The following PRKD1 variants were observed in gnomAD, a reference collection of about 807,000 sequenced individuals.
The protein encoded by PRKD1 is protein kinase D1.
Under a neutral mutation model 95.9 loss-of-function variants are expected in PRKD1, and 63 were observed. That is an observed-to-expected ratio of 0.66 (90% confidence interval 0.54 to 0.81). PRKD1 has a LOEUF of 0.81. Among genes scored for constraint, PRKD1 ranks in the 30% least tolerant of loss-of-function variants. The pLI is 0.00. For missense variants in PRKD1, 1,048 were observed against 1,165.3 expected, an observed-to-expected ratio of 0.90 and a Z score of 1.47; for synonymous variants, 425 against 423.1, an observed-to-expected ratio of 1.00 and a Z score of -0.05.
At position 29,877,114 on chromosome 14, in the gene PRKD1, C is replaced by T. The variant is rs893086771; in HGVS notation, c.264+50135G>A. ...TTGCAGTGAGCCAAAATCGTGCCAC[C>T]GCACTCCAGCCTGGGCCAGAGAGCA... On this transcript the variant is annotated intron_variant, in intron 1 of 17. Transcript: ENST00000331968. 3.9e-5 allele frequency among the ~76,000 whole-genome samples: 6 copies of T among 151,960 alleles called. No homozygotes were observed. The East Asian group carries it at 5.8e-4, about 15-fold the overall frequency.
chr14:29,747,854 A>G (rs1887300558), intron 1 of PRKD1, among the ~76,000 whole-genome samples: 1 of 151,724 alleles, frequency 6.6e-6, no homozygotes, highest in Admixed American at 6.6e-5. Flanking sequence ...AGCGATTCTC[A>G]TGCCTCTGCC....
intron 1 of PRKD1, among the ~76,000 whole-genome samples, chr14:29,917,984 T>C (rs1416703099): frequency 2.6e-5 from 4 of 152,158 alleles, no homozygotes; most frequent in Non-Finnish European, 5.9e-5. Flanking sequence ...TTTTGTTACA[T>C]AGGTAAACTT....
At chr14:29,767,174 G>A (rs1027201430) in intron 1 of PRKD1, among the ~76,000 whole-genome samples, 3 of 152,074 alleles carry the variant, frequency 2.0e-5, no homozygotes, top group African/African-American at 7.2e-5. Flanking sequence ...TGTCCAGATT[G>A]TCTGCTCCGC....
At chr14:29,756,990 G>A (rs1321494234) in intron 1 of PRKD1, among the ~76,000 whole-genome samples, 1 of 152,080 alleles carries the variant, frequency 6.6e-6, no homozygotes, top group Non-Finnish European at 1.5e-5. Context: ...TTTAACTTTA[G>A]ATTTATTTGT....
intron 16 of PRKD1, among the ~76,000 whole-genome samples, chr14:29,590,065 T>G (rs1449335539): frequency 6.6e-6 from 1 of 152,168 alleles, no homozygotes; most frequent in Non-Finnish European, 1.5e-5. Flanking sequence ...AAAGTGAGAC[T>G]AAGTCTTTGG....
At chr14:29,770,267 G>A (rs1168398133) in intron 1 of PRKD1, among the ~76,000 whole-genome samples, 1 of 152,210 alleles carries the variant, frequency 6.6e-6, no homozygotes, top group Non-Finnish European at 1.5e-5. Context: ...CCAAGAAGTG[G>A]TGTTGCTATC....
At chr14:29,647,698 CA>C (rs1258496712) in intron 4 of PRKD1, among the ~76,000 whole-genome samples, 1 of 152,122 alleles carries the variant, frequency 6.6e-6, no homozygotes, top group Non-Finnish European at 1.5e-5. Flanking sequence ...TCCTAGGCCA[CA>C]AAGGTGAGAG....
intron 1 of PRKD1, among the ~76,000 whole-genome samples, chr14:29,918,481 T>A (rs1894971194): frequency 6.6e-6 from 1 of 152,230 alleles, no homozygotes; most frequent in Non-Finnish European, 1.5e-5. Context: ...GTGCTAACCA[T>A]TAGATCTCAA....
chr14:29,891,890 T>C (rs1342070460), intron 1 of PRKD1, among the ~76,000 whole-genome samples: 1 of 152,190 alleles, frequency 6.6e-6, no homozygotes, highest in East Asian at 1.9e-4. Flanking sequence ...TAATCTAATC[T>C]AAATATTTTA....
chr14:29,855,823 C>T (rs540944117), intron 1 of PRKD1, among the ~76,000 whole-genome samples: 284 of 152,216 alleles, frequency 1.9e-3, no homozygotes, highest in African/African-American at 6.2e-3. Context: ...TGGGAGTTTC[C>T]CTGCACAAGC....
intron 2 of PRKD1, among the ~76,000 whole-genome samples, chr14:29,710,460 G>A (rs151052472): frequency 1.6e-3 from 246 of 152,124 alleles, no homozygotes; most frequent in African/African-American, 5.2e-3. Context: ...TGAGAAAGAC[G>A]TCCAATAAAC....
chr14:29,914,687 C>G (rs956530591), intron 1 of PRKD1, among the ~76,000 whole-genome samples: 1 of 152,088 alleles, frequency 6.6e-6, no homozygotes, highest in African/African-American at 2.4e-5. Context: ...GAGCTGAGAT[C>G]ACACTGCACT....
At chr14:29,630,627 C>T in intron 10 of PRKD1, 115 bp downstream of exon 10, 1 of 1,345,572 alleles carries the variant, frequency 7.4e-7, no homozygotes, top group Non-Finnish European at 1.0e-6. Context: ...TAAACTAAGT[C>T]ATCCCCAAGA....
intron 1 of PRKD1, among the ~76,000 whole-genome samples, chr14:29,740,349 TA>T (rs1389668141): frequency 6.6e-6 from 1 of 152,140 alleles, no homozygotes; most frequent in Non-Finnish European, 1.5e-5. Context: ...TGACAGCAAC[TA>T]AAAAAGTTTA....
intron 4 of PRKD1, among the ~76,000 whole-genome samples, chr14:29,661,781 G>T (rs1206871218): frequency 1.3e-5 from 2 of 152,142 alleles, no homozygotes; most frequent in East Asian, 3.8e-4. Context: ...GAAAGCTTAT[G>T]ACTCCCATCC....
intron 13 of PRKD1, among the ~76,000 whole-genome samples, chr14:29,612,671 C>G (rs553591136): frequency 6.6e-6 from 1 of 152,100 alleles, no homozygotes; most frequent in Admixed American, 6.6e-5. Flanking sequence ...TTTTCTTTTT[C>G]TTATAATAGA....
At chr14:29,782,826 G>T (rs985121769) in intron 1 of PRKD1, among the ~76,000 whole-genome samples, 1 of 152,266 alleles carries the variant, frequency 6.6e-6, no homozygotes, top group Admixed American at 6.5e-5. Context: ...TTACAGGCGT[G>T]AGCCACTGCC....
intron 4 of PRKD1, among the ~76,000 whole-genome samples, chr14:29,645,531 G>C (rs1881069941): frequency 6.6e-6 from 1 of 152,080 alleles, no homozygotes; most frequent in South Asian, 2.1e-4. Flanking sequence ...ATCATTCAAA[G>C]AACAGTGCAG....
intron 16 of PRKD1, among the ~76,000 whole-genome samples, chr14:29,585,011 C>G (rs569513554): frequency 6.6e-6 from 1 of 152,130 alleles, no homozygotes; most frequent in Non-Finnish European, 1.5e-5. Context: ...GGTGATAGAG[C>G]CTTCGCCAAT....
Sources: allele counts gnomAD v4.1 joint callset (sites outside exome capture counted in the v4.1 genomes callset), GRCh38; gene constraint gnomAD v4.1.1; transcripts MANE v1.5; gene names NCBI Gene and HGNC (gene_info 2026-07-23, HGNC 2026-07-21).